CNTNAP4: variants seen among roughly 807,000 people sequenced by gnomAD.
CNTNAP4 encodes the protein contactin-associated protein-like 4.
A neutral mutation model predicts 148.4 loss-of-function variants in CNTNAP4; 98 were observed. That is an observed-to-expected ratio of 0.66 (90% CI 0.56 to 0.78). CNTNAP4 has a LOEUF of 0.78. Among genes scored for constraint, CNTNAP4 ranks in the 30% least tolerant of loss-of-function variants. The pLI, the probability that CNTNAP4 is intolerant of heterozygous loss-of-function variation, is 0.00. For synonymous variants in CNTNAP4, 730 were observed against 565.1 expected, an observed-to-expected ratio of 1.29 and a Z score of -4.14; for missense variants, 1,935 against 1,565.6, an observed-to-expected ratio of 1.24 and a Z score of -3.98.
chr16:76,489,695 G>T lies in CNTNAP4; in HGVS notation c.1892G>T (p.Trp631Leu), dbSNP rs778221796. Residue 631 changes from tryptophan (W) to leucine (L), a missense_variant, in exon 13 of 24, where the codon TGG (tryptophan) becomes TTG (leucine). Physicochemically the swap from Trp to Leu is moderately conservative, Grantham distance 61. Coordinates refer to ENST00000611870, the MANE Select transcript of CNTNAP4 (RefSeq NM_033401.5). Reference sequence around the variant, plus strand: ...CATTTCTGCATACAAGAAACTGCATGGACCATCATACAGCACAACGGCTCT... The same window carrying T: ...CATTTCTGCATACAAGAAACTGCATTGACCATCATACAGCACAACGGCTCT... ...LLYCNMTETA[W>L]TIIQHNGSDL... is the part of the protein sequence containing the mutation. 29 of 1,572,180 alleles carry T rather than the reference G, an allele frequency of 1.8e-5. No individual in the cohort carries two copies. The Middle Eastern group carries it at 5.1e-4, about 27-fold the overall frequency.
intron 11 of CNTNAP4, among the ~76,000 whole-genome samples, chr16:76,478,013 G>T (rs1478635029): frequency 6.6e-6 from 1 of 152,162 alleles, no homozygotes; most frequent in Non-Finnish European, 1.5e-5. Flanking sequence ...ACTATTCCGA[G>T]AAATGAAGCC....
Position 76,470,298 on chromosome 16 carries a change from C to T in CNTNAP4, c.1655+2775C>T, listed in dbSNP as rs141568843. ...TGGGGTGGTTAGTATTTAATCCATGCGTAATAAATGTATCATTTGATGGTT... is the reference window on the plus strand; with the variant it reads ...TGGGGTGGTTAGTATTTAATCCATGTGTAATAAATGTATCATTTGATGGTT... On this transcript the variant is annotated intron_variant, in intron 10 of 23. Coordinates refer to ENST00000611870, the MANE Select transcript of CNTNAP4 (RefSeq NM_033401.5). Among the ~76,000 whole-genome samples, 339 of 151,598 alleles carry T rather than the reference C, an allele frequency of 2.2e-3. 2 individuals are homozygous for T. Among genetic ancestry groups the T allele is most frequent in the African/African-American group, 7.5e-3 (309 of 41,172 alleles).
At chr16:76,548,379 C>G (rs746206521) in intron 21 of CNTNAP4, among the ~76,000 whole-genome samples, 2 of 136,586 alleles carry the variant, frequency 1.5e-5, no homozygotes, top group Non-Finnish European at 1.5e-5. Flanking sequence ...GACTCCTTCT[C>G]ATAGGTAGGA....
rs1174801933 is a variant in CNTNAP4, at chr16:76,517,754, CA to C, written c.2366-3385del. Among the ~76,000 whole-genome samples the C allele has an allele frequency of 2.6e-5, 4 of 152,102 alleles. No individual in the cohort carries two copies. The South Asian group carries it at 8.3e-4, about 32-fold the overall frequency. ...TATATCTACATTGTGTAACAATGAC[CA>C]CACCAATTTTAGAACATGGTCATTA... On this transcript the variant is annotated intron_variant, in intron 15 of 23. Transcript: ENST00000611870.
chr16:76,390,792 G>T (rs1458018072), intron 3 of CNTNAP4, among the ~76,000 whole-genome samples: 2 of 151,936 alleles, frequency 1.3e-5, no homozygotes, highest in African/African-American at 4.8e-5. Flanking sequence ...GCACTTCTGG[G>T]TTTGCACTAT....
intron 2 of CNTNAP4, among the ~76,000 whole-genome samples, chr16:76,342,031 G>C (rs542767201): frequency 6.6e-6 from 1 of 152,296 alleles, no homozygotes; most frequent in South Asian, 2.1e-4. Flanking sequence ...GACGTAGAAG[G>C]ATATTCTACA....
chr16:76,346,978 A>C (rs1367070832), intron 2 of CNTNAP4, among the ~76,000 whole-genome samples: 1 of 152,204 alleles, frequency 6.6e-6, no homozygotes, highest in Non-Finnish European at 1.5e-5. Context: ...AAAACAGAAG[A>C]CAATTTAGTG....
chr16:76,389,584 G>A (rs2016789243), intron 3 of CNTNAP4, among the ~76,000 whole-genome samples: 3 of 152,106 alleles, frequency 2.0e-5, no homozygotes, highest in Admixed American at 2.0e-4. Flanking sequence ...ACCTGGAGTA[G>A]CAGGGATTAC....
Position 76,335,582 on chromosome 16 carries a change from A to T in CNTNAP4, c.196+19059A>T, listed in dbSNP as rs142112652. 5.6e-4 allele frequency among the ~76,000 whole-genome samples: 85 copies of T among 152,264 alleles called. No homozygotes were observed. The Middle Eastern group carries it at 0.01, about 18-fold the overall frequency. ...ACTTTCTCTGAAGCCCTGTCCTCAA[A>T]CTAAGTCCAGAGTGAGAGGCTGTAT... is the stretch of plus-strand genomic sequence containing the variant. On this transcript the variant is annotated intron_variant, in intron 2 of 23. Transcript: ENST00000611870.
At position 76,522,127 on chromosome 16, in the gene CNTNAP4, G is replaced by A; in HGVS notation, c.2625G>A (p.Gln875=). 1 of 1,613,980 alleles carries A rather than the reference G, an allele frequency of 6.2e-7. No homozygotes were observed. Among genetic ancestry groups the A allele is most frequent in the African/African-American group, 1.3e-5 (1 of 75,044 alleles). ...VQSPTHFNDN[Q]WHHVRVERNM... ...CACCCACCCACTTCAACGACAACCA[G>A]TGGCACCATGTGAGGGTTGAAAGGA... is the stretch of plus-strand genomic sequence containing the variant. The change falls in exon 17 of 24, where the codon CAG becomes CAA. Residue 875 remains glutamine (Q), a synonymous_variant. Transcript: ENST00000611870.
At chr16:76,431,959 T>A (rs574725502) in intron 4 of CNTNAP4, among the ~76,000 whole-genome samples, 1 of 152,256 alleles carries the variant, frequency 6.6e-6, no homozygotes, top group South Asian at 2.1e-4. Flanking sequence ...TATGGAAGAT[T>A]GGAACTCCAA....
At chr16:76,424,706 C>A (rs1241750970) in intron 3 of CNTNAP4, among the ~76,000 whole-genome samples, 1 of 151,980 alleles carries the variant, frequency 6.6e-6, no homozygotes, top group Non-Finnish European at 1.5e-5. Context: ...TTGCGGTGAG[C>A]TGAGATTGTG....
At chr16:76,501,958 A>G (rs2082665538) in intron 15 of CNTNAP4, among the ~76,000 whole-genome samples, 2 of 151,354 alleles carry the variant, frequency 1.3e-5, no homozygotes, top group African/African-American at 4.8e-5. Context: ...AGTCCCAGCT[A>G]CTTGGGAGGC....
chr16:76,538,315 C>A lies in CNTNAP4; in HGVS notation c.3195C>A (p.Tyr1065Ter), dbSNP rs953133734. Residue 1065 changes from tyrosine (Y) to a stop codon, truncating the protein, a stop_gained, in exon 19 of 24, where the codon TAC becomes TAA. Transcript: ENST00000611870. LOFTEE classifies it high-confidence loss of function. ...LLFVSSFYKE[Y>*]LSVIIAKNGS... ...TTGTGAGCTCCTTTTACAAAGAATA[C>A]CTTTCTGTGATCATTGCCAAAAATG... The A allele has an allele frequency of 1.2e-6, 2 of 1,603,658 alleles. No individual in the cohort carries two copies. The highest frequency in any genetic ancestry group is 1.7e-6 in the Non-Finnish European group (2 of 1,176,388).
At chr16:76,287,429 G>A (rs1958932934) in intron 1 of CNTNAP4, among the ~76,000 whole-genome samples, 1 of 152,096 alleles carries the variant, frequency 6.6e-6, no homozygotes, top group Admixed American at 6.6e-5. Flanking sequence ...TGGTTTCTTG[G>A]AAGCTTTGCT....
At chr16:76,441,198 A>C (rs1335393163) in intron 4 of CNTNAP4, among the ~76,000 whole-genome samples, 1 of 152,084 alleles carries the variant, frequency 6.6e-6, no homozygotes, top group Non-Finnish European at 1.5e-5. Context: ...CCAATTGACT[A>C]TAAGCTCTTT....
At chr16:76,440,413 C>T (rs1004627290) in intron 4 of CNTNAP4, among the ~76,000 whole-genome samples, 2 of 152,080 alleles carry the variant, frequency 1.3e-5, no homozygotes, top group African/African-American at 4.8e-5. Flanking sequence ...TAGTTTCACT[C>T]ACAGAATCAA....
At chr16:76,478,964 A>G (rs946755793) in intron 11 of CNTNAP4, among the ~76,000 whole-genome samples, 3 of 152,120 alleles carry the variant, frequency 2.0e-5, no homozygotes, top group Non-Finnish European at 2.9e-5. Context: ...TTTCTGTTGT[A>G]TAATTATTGG....
At chr16:76,453,146 T>C (rs1209810074) in intron 8 of CNTNAP4, among the ~76,000 whole-genome samples, 1 of 152,196 alleles carries the variant, frequency 6.6e-6, no homozygotes, top group African/African-American at 2.4e-5. Context: ...CCTAACACAC[T>C]TGTTAGTCTT....
Sources: allele counts gnomAD v4.1 joint callset (sites outside exome capture counted in the v4.1 genomes callset), GRCh38; gene constraint gnomAD v4.1.1; transcripts MANE v1.5; gene names NCBI Gene and HGNC (gene_info 2026-07-23, HGNC 2026-07-21).